ERBB4: variants seen among roughly 807,000 people sequenced by gnomAD.
The protein encoded by ERBB4 is erb-b2 receptor tyrosine kinase 4.
In ERBB4, 42 loss-of-function variants were observed where a neutral mutation model predicts 158.0. The observed-to-expected ratio is 0.27, with a 90% CI of 0.21 to 0.34. ERBB4 has a LOEUF of 0.34. Ranked by LOEUF, ERBB4 falls within the 10% of genes least tolerant of loss-of-function variation. The probability of loss-of-function intolerance (pLI) is 1.00; values close to 1 mark genes in which losing one functional copy is unlikely to be tolerated. For synonymous variants in ERBB4, 583 were observed against 558.7 expected (o/e 1.04, Z -0.61); for missense variants, 1,333 against 1,624.1 (o/e 0.82, Z 3.08).
At chr2:212,010,725 T>C (rs2076365844) in intron 2 of ERBB4, among the ~76,000 whole-genome samples, 1 of 152,126 alleles carries the variant, frequency 6.6e-6, no homozygotes, top group East Asian at 1.9e-4. Context: ...GTGGAGTTTT[T>C]TCCCCACCCT....
intron 22 of ERBB4, among the ~76,000 whole-genome samples, chr2:211,427,147 T>G (rs575122413): frequency 1.3e-4 from 20 of 152,248 alleles, no homozygotes; most frequent in African/African-American, 4.6e-4. Context: ...TCTTAAATAC[T>G]TTTTTAAAGA....
At chr2:212,343,832 T>C (rs1181304495) in intron 1 of ERBB4, among the ~76,000 whole-genome samples, 1 of 152,172 alleles carries the variant, frequency 6.6e-6, no homozygotes, top group Non-Finnish European at 1.5e-5. Flanking sequence ...GTTTATCTCA[T>C]ATTTTATTTT....
chr2:212,350,821 C>T (rs962909601), intron 1 of ERBB4, among the ~76,000 whole-genome samples: 3 of 150,520 alleles, frequency 2.0e-5, no homozygotes, highest in Non-Finnish European at 3.0e-5. Context: ...AAAAAAAATG[C>T]ACATTGTCAA....
At chr2:211,956,452 A>T (rs536315123) in intron 2 of ERBB4, among the ~76,000 whole-genome samples, 123 of 152,150 alleles carry the variant, frequency 8.1e-4, no homozygotes, top group African/African-American at 2.7e-3. Context: ...ACTGGTTAGG[A>T]CGATGCAGCC....
intron 1 of ERBB4, among the ~76,000 whole-genome samples, chr2:212,366,716 T>G (rs77166828): frequency 0.17 from 25,555 of 152,028 alleles, 3,171 homozygotes; most frequent in African/African-American, 0.35. Flanking sequence ...TTATCAAGAA[T>G]AGCTTTTAAA....
intron 20 of ERBB4, among the ~76,000 whole-genome samples, chr2:211,494,176 T>A (rs564531919): frequency 6.6e-6 from 1 of 152,226 alleles, no homozygotes; most frequent in African/African-American, 2.4e-5. Context: ...CTAATTTTTG[T>A]ATTTTTAGTA....
chr2:211,975,305 T>C (rs2081575003), intron 2 of ERBB4, among the ~76,000 whole-genome samples: 1 of 152,172 alleles, frequency 6.6e-6, no homozygotes, highest in Non-Finnish European at 1.5e-5. Context: ...TAACTGGCAT[T>C]AAGGAAAAAC....
At chr2:211,775,074 A>G (rs546945854) in intron 4 of ERBB4, among the ~76,000 whole-genome samples, 8 of 152,336 alleles carry the variant, frequency 5.3e-5, no homozygotes, top group African/African-American at 1.7e-4. Context: ...AGGTCAAAAG[A>G]GTTGTCCCTC....
At chr2:211,548,656 C>T (rs2067003398) in intron 20 of ERBB4, among the ~76,000 whole-genome samples, 2 of 151,950 alleles carry the variant, frequency 1.3e-5, no homozygotes, top group Admixed American at 6.6e-5. Flanking sequence ...GGCTCTGACA[C>T]CAAGAACCGT....
chr2:212,111,330 T>G (rs769919616), intron 2 of ERBB4, among the ~76,000 whole-genome samples: 1 of 152,226 alleles, frequency 6.6e-6, no homozygotes, highest in Non-Finnish European at 1.5e-5. Context: ...CCTTGGAGTT[T>G]GAAATAACGC....
intron 2 of ERBB4, among the ~76,000 whole-genome samples, chr2:212,043,537 T>C (rs1234280937): frequency 1.3e-5 from 2 of 152,204 alleles, no homozygotes; most frequent in Non-Finnish European, 2.9e-5. Flanking sequence ...AGATAAAATG[T>C]TAGCTGTAAT....
At chr2:212,494,607 C>A (rs73069006) in intron 1 of ERBB4, among the ~76,000 whole-genome samples, 1 of 151,960 alleles carries the variant, frequency 6.6e-6, no homozygotes, top group African/African-American at 2.4e-5. Flanking sequence ...TTAATTATAA[C>A]CCGAATGGAA....
intron 2 of ERBB4, among the ~76,000 whole-genome samples, chr2:212,109,617 G>A (rs773224497): frequency 2.6e-5 from 4 of 152,170 alleles, no homozygotes; most frequent in Admixed American, 6.5e-5. Flanking sequence ...AATGAAGTCT[G>A]AGAAGAGCTG....
chr2:211,835,945 A>T (rs910342309), intron 3 of ERBB4, among the ~76,000 whole-genome samples: 8 of 152,094 alleles, frequency 5.3e-5, no homozygotes, highest in African/African-American at 1.9e-4. Flanking sequence ...GGAGCTTCCT[A>T]GAATTAGAAC....
intron 16 of ERBB4, among the ~76,000 whole-genome samples, chr2:211,646,991 G>A (rs772833663): frequency 4.6e-5 from 7 of 151,526 alleles, no homozygotes; most frequent in Non-Finnish European, 8.9e-5. Context: ...ATACCTGTAC[G>A]TCTCCTCCCT....
chr2:211,589,495 G>A (rs1291669633), intron 19 of ERBB4, among the ~76,000 whole-genome samples: 4 of 152,110 alleles, frequency 2.6e-5, no homozygotes, highest in Admixed American at 2.0e-4. Context: ...TTTGTAGCCC[G>A]AATGAGTAGC....
chr2:212,197,396 G>A (rs1209098912), intron 1 of ERBB4, among the ~76,000 whole-genome samples: 1 of 152,108 alleles, frequency 6.6e-6, no homozygotes, highest in African/African-American at 2.4e-5. Context: ...GTGGATTTTA[G>A]AATTGTGGGT....
At chr2:212,106,481 G>A (rs1229503932) in intron 2 of ERBB4, among the ~76,000 whole-genome samples, 3 of 152,200 alleles carry the variant, frequency 2.0e-5, no homozygotes, top group South Asian at 4.1e-4. Context: ...GCTGTTAAAA[G>A]CATTTAGCTT....
intron 5 of ERBB4, among the ~76,000 whole-genome samples, chr2:211,738,205 A>C (rs992061948): frequency 1.3e-5 from 2 of 152,070 alleles, no homozygotes; most frequent in Non-Finnish European, 2.9e-5. Flanking sequence ...ATATGTTTTT[A>C]ATTTATAAAG....
Sources: allele counts gnomAD v4.1 joint callset (sites outside exome capture counted in the v4.1 genomes callset), GRCh38; gene constraint gnomAD v4.1.1; transcripts MANE v1.5; gene names NCBI Gene and HGNC (gene_info 2026-07-23, HGNC 2026-07-21).